Variants in SLC1A3 observed in about 807,000 individuals in gnomAD.
The protein encoded by SLC1A3 is solute carrier family 1 member 3.
Under a neutral mutation model 48.1 loss-of-function variants are expected in SLC1A3, and 21 were observed. That is an observed-to-expected ratio of 0.44 (90% confidence interval 0.31 to 0.63). The LOEUF is 0.63. Among genes scored for constraint, SLC1A3 ranks in the 20% least tolerant of loss-of-function variants. The pLI is 0.08. For synonymous variants in SLC1A3, 239 were observed against 251.4 expected (o/e 0.95, Z 0.47); for missense variants, 546 against 689.0 (o/e 0.79, Z 2.32).
chr5:36,599,692 A>G (rs1349554985), intron 1 of SLC1A3, among the ~76,000 whole-genome samples: 4 of 98,024 alleles, frequency 4.1e-5, no homozygotes, highest in Non-Finnish European at 5.9e-5. Flanking sequence ...TATTTTTAGT[A>G]GAGACGGAGT....
chr5:36,605,808 G>T (rs1738912570), upstream of SLC1A3, among the ~76,000 whole-genome samples: 1 of 152,128 alleles, frequency 6.6e-6, no homozygotes, highest in South Asian at 2.1e-4. Flanking sequence ...AAGGCAATGA[G>T]AATTTTTTAG....
chr5:36,673,905 A>G lies in SLC1A3; in HGVS notation c.525-144A>G, dbSNP rs112436413. The G allele has an allele frequency of 3.1e-3, 2,249 of 715,056 alleles. 37 individuals are homozygous for G. The African/African-American group carries it at 0.035, about 11-fold the overall frequency. 44.3% of individuals were successfully genotyped at this position (715,056 alleles called of 1,614,324 possible). On this transcript the variant is annotated intron_variant, in intron 4 of 9. Transcript: ENST00000265113. ...TTAGGGAGGACCATATATTCTTTTC[A>G]AGCTGTAAAATCCACTAACATTTTT...
At chr5:36,631,057 C>T (rs1740115493) in intron 3 of SLC1A3, among the ~76,000 whole-genome samples, 1 of 152,166 alleles carries the variant, frequency 6.6e-6, no homozygotes, top group Admixed American at 6.5e-5. Flanking sequence ...AAGACAGAAC[C>T]CACATCTGAC....
Position 36,629,593 on chromosome 5 carries a change from A to G in SLC1A3, c.319+6A>G, listed in dbSNP as rs1462184305. On this transcript the variant is annotated splice_donor_region_variant and intron_variant, in intron 3 of 9. Transcript: ENST00000265113. Reference sequence around the variant, plus strand: ...CATCTCCAGTCTTGTCACAGGTACCATAAGCAGTTGTTGGTTTGTTTGGTT... The same window carrying G: ...CATCTCCAGTCTTGTCACAGGTACCGTAAGCAGTTGTTGGTTTGTTTGGTT... The G allele has an allele frequency of 1.9e-6, 3 of 1,612,268 alleles. No homozygotes were observed. The highest frequency in any genetic ancestry group is 1.1e-5 in the South Asian group (1 of 91,058).
chr5:36,596,946 C>T (rs1449466676), intron 1 of SLC1A3, among the ~76,000 whole-genome samples: 5 of 150,708 alleles, frequency 3.3e-5, no homozygotes, highest in Middle Eastern at 3.4e-3. Flanking sequence ...TCTTGGAATA[C>T]GGAAGAATGT....
intron 8 of SLC1A3, among the ~76,000 whole-genome samples, chr5:36,682,375 T>C (rs1156482751): frequency 6.6e-6 from 1 of 152,198 alleles, no homozygotes; most frequent in African/African-American, 2.4e-5. Context: ...AGGAAAAGGC[T>C]GATCAGGGCC....
chr5:36,599,346 G>A (rs1738779737), intron 1 of SLC1A3, among the ~76,000 whole-genome samples: 1 of 151,968 alleles, frequency 6.6e-6, no homozygotes, highest in South Asian at 2.1e-4. Context: ...ATTAAATTTG[G>A]CAGTTTTATT....
chr5:36,653,348 G>C (rs1216430038), intron 3 of SLC1A3, among the ~76,000 whole-genome samples: 2 of 152,132 alleles, frequency 1.3e-5, no homozygotes, highest in Admixed American at 6.5e-5. Flanking sequence ...ACAGCTTTTA[G>C]GCCTTTAATG....
intron 3 of SLC1A3, among the ~76,000 whole-genome samples, chr5:36,662,164 G>A (rs1482509072): frequency 1.3e-5 from 2 of 152,300 alleles, no homozygotes; most frequent in African/African-American, 2.4e-5. Context: ...CTTTCTGTGC[G>A]TAAATTCACC....
chr5:36,671,293 G>T (rs1741987281), intron 4 of SLC1A3, 60 bp downstream of exon 4: 1 of 1,225,354 alleles, frequency 8.2e-7, no homozygotes. Context: ...CCTCTTACTG[G>T]TTACTATTCA....
intron 3 of SLC1A3, among the ~76,000 whole-genome samples, chr5:36,647,029 T>C (rs566503158): frequency 7.2e-4 from 109 of 152,346 alleles, no homozygotes; most frequent in Admixed American, 3.9e-3. Flanking sequence ...TCCTGTGGGA[T>C]GTTTCTCATC....
At chr5:36,605,782 C>T (rs1045164075), upstream of SLC1A3, among the ~76,000 whole-genome samples, 1 of 151,980 alleles carries the variant, frequency 6.6e-6, no homozygotes, top group Non-Finnish European at 1.5e-5. Flanking sequence ...GGACTAGAAG[C>T]TCAAGTTACC....
At chr5:36,608,790 A>G in intron 2 of SLC1A3, 186 bp downstream of exon 2, 1 of 1,412,066 alleles carries the variant, frequency 7.1e-7, no homozygotes, top group South Asian at 1.7e-5. Flanking sequence ...ATATATAGTA[A>G]ACACATCATT....
At chr5:36,671,750 T>C (rs1272909919) in intron 4 of SLC1A3, among the ~76,000 whole-genome samples, 1 of 152,208 alleles carries the variant, frequency 6.6e-6, no homozygotes, top group African/African-American at 2.4e-5. Context: ...GAGAAAGAAT[T>C]TGGCAGGTCT....
At chr5:36,664,193 G>A (rs142695700) in intron 3 of SLC1A3, among the ~76,000 whole-genome samples, 3 of 152,186 alleles carry the variant, frequency 2.0e-5, no homozygotes, top group African/African-American at 4.8e-5. Flanking sequence ...GAGTGCAATG[G>A]CATGATCTCA....
At chr5:36,619,836 G>A (rs2111712859) in intron 2 of SLC1A3, among the ~76,000 whole-genome samples, 1 of 152,260 alleles carries the variant, frequency 6.6e-6, no homozygotes, top group Middle Eastern at 3.4e-3. Context: ...CTCATTAAAT[G>A]CTCTCATATG....
intron 2 of SLC1A3, among the ~76,000 whole-genome samples, chr5:36,624,814 A>G (rs1002096692): frequency 5.3e-5 from 8 of 152,226 alleles, no homozygotes; most frequent in Admixed American, 5.2e-4. Context: ...GATTTGGTAT[A>G]GCCATTTTTG....
Position 36,629,421 on chromosome 5 carries a change from CTTTTTCTTTTTTTTTT to C in SLC1A3, c.182-22_182-7del. 6.4e-7 allele frequency: 1 copy of C among 1,570,900 alleles called. No homozygotes were observed. Among genetic ancestry groups the C allele is most frequent in the Non-Finnish European group, 8.7e-7 (1 of 1,150,114 alleles). On this transcript the variant is annotated splice_polypyrimidine_tract_variant and intron_variant, in intron 2 of 9. Coordinates refer to ENST00000265113, the MANE Select transcript of SLC1A3 (RefSeq NM_004172.5). ...CTGTTTCAAAAAAGACTCAATTTTT[CTTTTTCTTTTTTTTTT>C]TTTTTCCTTCAGGTACAATCCTTGG... is the stretch of plus-strand genomic sequence containing the variant.
intron 3 of SLC1A3, among the ~76,000 whole-genome samples, chr5:36,655,864 A>T (rs778209570): frequency 1.3e-5 from 2 of 152,198 alleles, no homozygotes; most frequent in Non-Finnish European, 2.9e-5. Context: ...CTGTGGAATT[A>T]TGTTCACTAC....
Sources: allele counts gnomAD v4.1 joint callset (sites outside exome capture counted in the v4.1 genomes callset), GRCh38; gene constraint gnomAD v4.1.1; transcripts MANE v1.5; gene names NCBI Gene and HGNC (gene_info 2026-07-23, HGNC 2026-07-21).